Variants in ERCC5 observed in about 807,000 individuals in gnomAD.
ERCC5 encodes ERCC excision repair 5, endonuclease.
ERCC5 carries 68 observed loss-of-function variants against 105.6 expected under a neutral mutation model. The ratio of observed to expected loss-of-function variants is 0.64; its 90% confidence interval spans 0.53 to 0.79. The LOEUF is 0.79. Among genes scored for constraint, ERCC5 ranks in the 30% least tolerant of loss-of-function variants. ERCC5 has a pLI of 0.00. For synonymous variants in ERCC5, 546 were observed against 526.2 expected, an observed-to-expected ratio of 1.04 and a Z score of -0.51; for missense variants, 1,373 against 1,426.7, an observed-to-expected ratio of 0.96 and a Z score of 0.61.
At chr13:102,872,899 T>C (rs1298339254) in intron 13 of ERCC5, among the ~76,000 whole-genome samples, 1 of 152,276 alleles carries the variant, frequency 6.6e-6, no homozygotes, top group Non-Finnish European at 1.5e-5. Flanking sequence ...TGGATAGATG[T>C]TTCAAAACTT....
rs773811872 is a variant in ERCC5, at chr13:102,875,719, C to G, written c.3377C>G (p.Ala1126Gly). 3.7e-6 allele frequency: 6 copies of G among 1,614,014 alleles called. No individual in the cohort carries two copies. The highest frequency in any genetic ancestry group is 5.1e-6 in the Non-Finnish European group (6 of 1,180,036). ...GCTGCGAAAGAGCCAAAAACCAGTGCTTCAGATTCGCAGAACTCAGTGAAG... is the reference window on the plus strand; with the variant it reads ...GCTGCGAAAGAGCCAAAAACCAGTGGTTCAGATTCGCAGAACTCAGTGAAG... ...RTAAKEPKTS[A>G]SDSQNSVKEA... The change falls in exon 15 of 15, where the codon GCT becomes GGT. Residue 1126 changes from alanine to glycine, a missense_variant. By Grantham distance (60) the Ala-to-Gly change is moderately conservative. Around this residue, in one of 3 missense-constraint regions of ERCC5, gnomAD observed 367 missense variants for 350.2 expected, o/e 1.05. Coordinates refer to ENST00000652225, the MANE Select transcript of ERCC5 (RefSeq NM_000123.4).
rs35223521 is a variant in ERCC5 at position 102,847,297 on chromosome 13, ATT to A, written c.88+958_88+959del. On this transcript the variant is annotated intron_variant, in intron 1 of 14. Transcript: ENST00000652225. Reference sequence around the variant, plus strand: ...TTATCTTTTTCTTTGTTATGTAGTCATTTTTTTTTTTTTTTTGAGTATCTATT... The same window carrying A: ...TTATCTTTTTCTTTGTTATGTAGTCATTTTTTTTTTTTTTGAGTATCTATT... Among the ~76,000 whole-genome samples, 171 of 139,442 alleles carry A rather than the reference ATT, an allele frequency of 1.2e-3. 2 individuals are homozygous for A. The highest frequency in any genetic ancestry group is 2.8e-3 in the African/African-American group (108 of 37,960). The allele number at this position is 139,442 out of a possible 152,430, so 91.5% of individuals were successfully genotyped here.
At chr13:102,869,101 A>T (rs901586168) in intron 12 of ERCC5, among the ~76,000 whole-genome samples, 2 of 152,172 alleles carry the variant, frequency 1.3e-5, no homozygotes, top group Non-Finnish European at 2.9e-5. Context: ...CTCCAGTTAC[A>T]TATCCTGTGT....
At chr13:102,852,049 A>G in intron 1 of ERCC5, 69 bp from the exon 2 acceptor site, 1 of 1,540,118 alleles carries the variant, frequency 6.5e-7, no homozygotes, top group Non-Finnish European at 9.0e-7. Context: ...AATATCAGTT[A>G]TTAGGAAATT....
chr13:102,868,683 C>T (rs1882929082), intron 12 of ERCC5, among the ~76,000 whole-genome samples: 1 of 152,190 alleles, frequency 6.6e-6, no homozygotes, highest in Non-Finnish European at 1.5e-5. Flanking sequence ...TGTTTGGTGT[C>T]CTGAGAGAGG....
In ERCC5 at chr13:102,862,147, AAG is replaced by A. The variant is rs771259228; in HGVS notation, c.1001_1002del (p.Glu334AlafsTer2). 1.9e-6 allele frequency: 3 copies of A among 1,614,236 alleles called. No individual in the cohort carries two copies. The South Asian group carries it at 3.3e-5, about 18-fold the overall frequency. On this transcript the variant is annotated frameshift_variant, in exon 8 of 15. Transcript: ENST00000652225. LOFTEE classifies it high-confidence loss of function. The stretch of plus-strand genomic sequence containing the variant: ...CCATGTGAAAAACTGAAGACAGAGA[AAG>A]AGCCTGATGCTACCCCTCCTTCTCC...
intron 6 of ERCC5, among the ~76,000 whole-genome samples, chr13:102,859,753 G>A (rs1294938830): frequency 6.6e-6 from 1 of 152,166 alleles, no homozygotes; most frequent in Non-Finnish European, 1.5e-5. Flanking sequence ...GGGCCTTTGT[G>A]TGATCTGTAT....
Position 102,873,226 on chromosome 13 carries a change from T to C in ERCC5, c.2880-33T>C, listed in dbSNP as rs747545914. ...TTATTTGTCACTTGTTTAAATATCT[T>C]TCAAAATATTTATAAGTCTTAACTG... On this transcript the variant is annotated intron_variant, in intron 13 of 14. Transcript: ENST00000652225. 20 of 1,613,634 alleles carry C rather than the reference T, an allele frequency of 1.2e-5. No individual in the cohort carries two copies. In the South Asian group the frequency reaches 1.8e-4, roughly 14 times the overall value.
chr13:102,852,926 ACAT>A (rs1882260436), intron 2 of ERCC5, among the ~76,000 whole-genome samples: 1 of 152,162 alleles, frequency 6.6e-6, no homozygotes, highest in South Asian at 2.1e-4. Flanking sequence ...TAAAAAAATG[ACAT>A]AAAATAATGT....
intron 3 of ERCC5, 135 bp from the exon 4 acceptor site, chr13:102,854,153 C>T (rs1882311764): frequency 1.1e-5 from 10 of 949,536 alleles, no homozygotes; most frequent in Non-Finnish European, 5.0e-6. Flanking sequence ...GTGAGCAGCC[C>T]CGCCAAGGTT....
intron 1 of ERCC5, among the ~76,000 whole-genome samples, chr13:102,848,473 T>C (rs1340532642): frequency 6.6e-6 from 1 of 152,238 alleles, no homozygotes; most frequent in Non-Finnish European, 1.5e-5. Flanking sequence ...TTGTCTCTTA[T>C]AGATTTTAAT....
chr13:102,866,857 G>A lies in ERCC5; in HGVS notation c.2533+12G>A, dbSNP rs747788354. On this transcript the variant is annotated intron_variant, in intron 11 of 14. Coordinates refer to ENST00000652225, the MANE Select transcript of ERCC5 (RefSeq NM_000123.4). ...TCACAATCAATTGGGTAAGACTTCA[G>A]AGTCTTTTTGATTACTTTCTGACAT... is the stretch of plus-strand genomic sequence containing the variant. 1 of 1,596,088 alleles carries A rather than the reference G, an allele frequency of 6.3e-7. No individual in the cohort carries two copies. The highest frequency in any genetic ancestry group is 8.6e-7 in the Non-Finnish European group (1 of 1,169,216).
rs1882908391 is a variant in ERCC5 at position 102,868,118 on chromosome 13, G to T, written c.2539G>T (p.Asp847Tyr). Residue 847 changes from aspartate to tyrosine, a missense_variant, in exon 12 of 15, where the codon GAC becomes TAC. This residue lies in a region of ERCC5 where 1,004 missense variants were observed against 1,059.7 expected (regional missense o/e 0.95). Transcript: ENST00000652225. Reference sequence around the variant, plus strand: ...AAAATATTGTTACTCTTTAGGATTGGACCGGAATAAGTTAATAAATTTGGC... The same window carrying T: ...AAAATATTGTTACTCTTTAGGATTGTACCGGAATAAGTTAATAAATTTGGC... ...YVDFHNQLGL[D>Y]RNKLINLAYL... The T allele has an allele frequency of 6.2e-7, 1 of 1,613,868 alleles. No individual in the cohort carries two copies. Among genetic ancestry groups the T allele is most frequent in the Non-Finnish European group, 8.5e-7 (1 of 1,179,930 alleles).
rs1477194047 is a variant in ERCC5, at chr13:102,861,727, A to G, written c.880+13A>G. ...ATCTTGATAAAAGGTATCAGGCACC[A>G]TCATTTATATATTTACATTAAAAAA... On this transcript the variant is annotated intron_variant, in intron 7 of 14. Transcript: ENST00000652225. 6.2e-7 allele frequency: 1 copy of G among 1,613,972 alleles called. No individual in the cohort carries two copies. Among genetic ancestry groups the G allele is most frequent in the Non-Finnish European group, 8.5e-7 (1 of 1,179,892 alleles).
At chr13:102,855,780 C>T (rs988215638) in intron 4 of ERCC5, among the ~76,000 whole-genome samples, 7 of 152,132 alleles carry the variant, frequency 4.6e-5, no homozygotes, top group Admixed American at 2.0e-4. Flanking sequence ...GCAGGAGATC[C>T]TGGAAAGCTT....
intron 5 of ERCC5, among the ~76,000 whole-genome samples, chr13:102,856,385 A>AT (rs1359543912): frequency 6.6e-6 from 1 of 152,220 alleles, no homozygotes; most frequent in Non-Finnish European, 1.5e-5. Flanking sequence ...AACCAATAGT[A>AT]ATATGTGCTT....
intron 3 of ERCC5, 21 bp from the exon 4 acceptor site, chr13:102,854,267 A>G (rs748707849): frequency 6.2e-7 from 1 of 1,613,532 alleles, no homozygotes; most frequent in African/African-American, 1.3e-5. Flanking sequence ...TAATCTGTTT[A>G]AAGATTTGTG....
Position 102,863,102 on chromosome 13 carries a change from T to C in ERCC5, c.1953T>C (p.Asp651=), listed in dbSNP as rs2140528922. Reference sequence around the variant, plus strand: ...TTGACTCGGAAGAAAGTGAATCTGATGGTACGTGTCTGTGCTTTTGTAGAA... The same window carrying C: ...TTGACTCGGAAGAAAGTGAATCTGACGGTACGTGTCTGTGCTTTTGTAGAA... ...MEIDSEESES[D]GSFIEVQSVI... The change falls in exon 8 of 15, where the codon GAT becomes GAC. Residue 651 remains aspartate, a splice_region_variant and synonymous_variant. Coordinates refer to ENST00000652225, the MANE Select transcript of ERCC5 (RefSeq NM_000123.4). The C allele has an allele frequency of 6.2e-7, 1 of 1,613,142 alleles. No homozygotes were observed. The highest frequency in any genetic ancestry group is 1.3e-5 in the African/African-American group (1 of 75,040).
At chr13:102,851,445 C>G (rs1213852621) in intron 1 of ERCC5, among the ~76,000 whole-genome samples, 2 of 152,144 alleles carry the variant, frequency 1.3e-5, no homozygotes, top group Non-Finnish European at 2.9e-5. Flanking sequence ...CAGGTGCGCA[C>G]CACCATGCCC....
Sources: gnomAD v4.1 joint callset for allele counts (sites outside exome capture counted in the v4.1 genomes callset) on GRCh38, gnomAD v4.1.1 for gene constraint, gnomAD v4.1.1 regional missense constraint, MANE v1.5 for transcripts, NCBI Gene and HGNC (gene_info 2026-07-23, HGNC 2026-07-21) for gene names.